Variants in TLN2 observed in about 807,000 individuals in gnomAD.
TLN2 encodes talin-2.
Under a neutral mutation model 294.7 loss-of-function variants are expected in TLN2, and 118 were observed. The observed-to-expected ratio is 0.40, with a 90% CI of 0.34 to 0.47. The LOEUF (loss-of-function observed/expected upper bound fraction) is 0.47. Ranked by LOEUF, TLN2 falls within the 20% of genes least tolerant of loss-of-function variation. TLN2 has a pLI of 0.84. For missense variants in TLN2, 3,083 were observed against 3,282.2 expected (o/e 0.94, Z 1.48); for synonymous variants, 1,431 against 1,304.5 (o/e 1.10, Z -2.09).
At chr15:62,405,203 C>T (rs1184780204) in intron 1 of TLN2, among the ~76,000 whole-genome samples, 2 of 152,114 alleles carry the variant, frequency 1.3e-5, no homozygotes, top group Non-Finnish European at 2.9e-5. Flanking sequence ...GCCCTGGGTA[C>T]GCTTCAGAAT....
intron 25 of TLN2, among the ~76,000 whole-genome samples, chr15:62,721,563 A>G (rs907898304): frequency 6.6e-6 from 1 of 152,070 alleles, no homozygotes; most frequent in Non-Finnish European, 1.5e-5. Flanking sequence ...ATGATCTGGC[A>G]CTTGTTGGAA....
chr15:62,689,068 CTTTT>C (rs796645804), intron 12 of TLN2, among the ~76,000 whole-genome samples: 12 of 116,636 alleles, frequency 1.0e-4, no homozygotes, highest in African/African-American at 1.6e-4. Context: ...TTCTCTCTCT[CTTTT>C]TTTTTTTTTT....
At position 62,740,776 on chromosome 15, in the gene TLN2, G is replaced by C. The variant is rs762900440; in HGVS notation, c.4025+7G>C. ...TCCTGGCTGCAGCTGCAAGGTAGGA[G>C]TGGGACACAATGTGCTTTCGTGTGT... On this transcript the variant is annotated splice_region_variant and intron_variant, in intron 32 of 58. Transcript: ENST00000636159. 1.2e-6 allele frequency: 2 copies of C among 1,614,052 alleles called. No individual in the cohort carries two copies. Among genetic ancestry groups the C allele is most frequent in the African/African-American group, 2.7e-5 (2 of 74,936 alleles).
intron 1 of TLN2, among the ~76,000 whole-genome samples, chr15:62,426,549 C>T (rs2034720582): frequency 1.3e-5 from 2 of 152,220 alleles, no homozygotes; most frequent in Non-Finnish European, 2.9e-5. Flanking sequence ...CAGCCTGGTC[C>T]AGCTGGCGAA....
intron 3 of TLN2, among the ~76,000 whole-genome samples, chr15:62,624,992 T>A (rs1043391298): frequency 6.6e-6 from 1 of 152,362 alleles, no homozygotes; most frequent in African/African-American, 2.4e-5. Context: ...TTCTCTTTTT[T>A]AATTTTTATT....
intron 5 of TLN2, 36 bp downstream of exon 5, chr15:62,650,217 T>C (rs373309399): frequency 6.2e-7 from 1 of 1,605,684 alleles, no homozygotes; most frequent in African/African-American, 1.3e-5. Flanking sequence ...TCTTCATCCC[T>C]TTGTCCCTGG....
intron 4 of TLN2, 72 bp from the exon 5 acceptor site, chr15:62,650,012 C>T (rs1308498927): frequency 7.4e-6 from 11 of 1,487,640 alleles, no homozygotes; most frequent in Non-Finnish European, 1.0e-5. Context: ...AGTCAGCAGG[C>T]TCAGGGCCTG....
At chr15:62,690,636 C>G (rs1288599071) in intron 12 of TLN2, among the ~76,000 whole-genome samples, 2 of 148,726 alleles carry the variant, frequency 1.3e-5, no homozygotes, top group Non-Finnish European at 2.9e-5. Context: ...GCTGCAATCT[C>G]GGCACTTTGG....
rs546884536 is a variant in TLN2, at chr15:62,520,310, C to A, written c.-237-69377C>A. 7.2e-5 allele frequency among the ~76,000 whole-genome samples: 11 copies of A among 152,248 alleles called. No homozygotes were observed. The East Asian group carries it at 1.7e-3, about 24-fold the overall frequency. On this transcript the variant is annotated intron_variant, in intron 1 of 58. Coordinates refer to ENST00000636159, the MANE Select transcript of TLN2 (RefSeq NM_015059.3). The stretch of plus-strand genomic sequence containing the variant: ...TTCATTGTTGTACAGTTGTATGCCT[C>A]CCAAAGTTGTGTTTATTAATTGTCA...
intron 19 of TLN2, among the ~76,000 whole-genome samples, chr15:62,705,497 ATTTT>A (rs746278092): frequency 6.6e-6 from 1 of 152,110 alleles, no homozygotes; most frequent in Non-Finnish European, 1.5e-5. Context: ...TTCTGACTGT[ATTTT>A]TTTGGACAAA....
At chr15:62,723,538 C>CTTT (rs555674609) in intron 26 of TLN2, among the ~76,000 whole-genome samples, 7,169 of 106,910 alleles carry the variant, frequency 0.067, 440 homozygotes, top group Admixed American at 0.17. Context: ...ACTGTGAAAA[C>CTTT]TTTTTTTTTT....
chr15:62,532,203 C>T (rs1186261199), intron 1 of TLN2, among the ~76,000 whole-genome samples: 1 of 152,014 alleles, frequency 6.6e-6, no homozygotes, highest in Non-Finnish European at 1.5e-5. Flanking sequence ...ACACTTGCCA[C>T]CATGCCTAAT....
At chr15:62,774,162 C>T (rs1302146053) in intron 42 of TLN2, among the ~76,000 whole-genome samples, 2 of 152,190 alleles carry the variant, frequency 1.3e-5, no homozygotes, top group African/African-American at 2.4e-5. Context: ...TTGAAATCTG[C>T]TCCCCTGTGG....
chr15:62,491,343 TATATATATACACACACACACACAC>T (rs1335466078), intron 1 of TLN2, among the ~76,000 whole-genome samples: 23 of 113,552 alleles, frequency 2.0e-4, no homozygotes, highest in African/African-American at 6.9e-4. Flanking sequence ...AAAAAATATA[TATATATATACACACACACACACAC>T]ACACACACAC....
intron 19 of TLN2, among the ~76,000 whole-genome samples, chr15:62,706,377 C>G (rs1455835068): frequency 6.6e-6 from 1 of 152,252 alleles, no homozygotes; most frequent in Non-Finnish European, 1.5e-5. Flanking sequence ...TAAACTAGCT[C>G]CTCGCATTTT....
chr15:62,560,997 C>T (rs1027882413), intron 1 of TLN2, among the ~76,000 whole-genome samples: 6 of 152,182 alleles, frequency 3.9e-5, no homozygotes, highest in Admixed American at 2.0e-4. Flanking sequence ...TACAGAATGT[C>T]GCTGCTTCCC....
At chr15:62,666,245 G>A (rs1043932487) in intron 9 of TLN2, among the ~76,000 whole-genome samples, 1 of 152,176 alleles carries the variant, frequency 6.6e-6, no homozygotes, top group Non-Finnish European at 1.5e-5. Context: ...GTTTGAATGT[G>A]TTCTCTCCAA....
chr15:62,540,355 A>AG (rs2041607980), intron 1 of TLN2, among the ~76,000 whole-genome samples: 1 of 104,214 alleles, frequency 9.6e-6, no homozygotes, highest in Non-Finnish European at 2.0e-5. Context: ...AAATAAATAA[A>AG]CTTTTTTTTT....
At chr15:62,830,802 G>C (rs1480405188) in intron 54 of TLN2, 1 of 152,148 alleles carries the variant, frequency 6.6e-6, no homozygotes, top group Admixed American at 6.5e-5. Context: ...TCTAACATTA[G>C]CCCTCCATCC....
Sources: gnomAD v4.1 joint callset for allele counts (sites outside exome capture counted in the v4.1 genomes callset) on GRCh38, gnomAD v4.1.1 for gene constraint, MANE v1.5 for transcripts, NCBI Gene and HGNC (gene_info 2026-07-23, HGNC 2026-07-21) for gene names.